The following CPED1 variants were observed in gnomAD, a reference collection of about 807,000 sequenced individuals.
The protein encoded by CPED1 is cadherin like and PC-esterase domain containing 1, also known as cadherin-like and PC-esterase domain-containing protein 1.
Under a neutral mutation model 128.2 loss-of-function variants are expected in CPED1, and 114 were observed. That is an observed-to-expected ratio of 0.89 (90% confidence interval 0.76 to 1.04). CPED1 has a LOEUF of 1.04. CPED1 is among the 50% of genes least tolerant of loss of function. The pLI, the probability that CPED1 is intolerant of heterozygous loss-of-function variation, is 0.00. For missense variants in CPED1, 1,211 were observed against 1,207.1 expected, an observed-to-expected ratio of 1.00 and a Z score of -0.05; for synonymous variants, 462 against 426.7, an observed-to-expected ratio of 1.08 and a Z score of -1.02.
chr7:121,129,138 A>G (rs1795583473), intron 11 of CPED1, among the ~76,000 whole-genome samples: 1 of 151,332 alleles, frequency 6.6e-6, no homozygotes, highest in Non-Finnish European at 1.5e-5. Flanking sequence ...TATAGACTGA[A>G]ATGAATTTGT....
At chr7:121,283,918 T>C (rs559956501) in intron 22 of CPED1, among the ~76,000 whole-genome samples, 1 of 152,348 alleles carries the variant, frequency 6.6e-6, no homozygotes, top group East Asian at 1.9e-4. Flanking sequence ...TGAGTTATAC[T>C]GTTTAGTGAA....
intron 7 of CPED1, among the ~76,000 whole-genome samples, chr7:121,121,193 C>A (rs1397539217): frequency 6.6e-6 from 1 of 152,048 alleles, no homozygotes; most frequent in East Asian, 1.9e-4. Flanking sequence ...ACAAGGACAC[C>A]TTGGGAAAGA....
At chr7:121,197,129 T>G (rs1797290211) in intron 16 of CPED1, among the ~76,000 whole-genome samples, 1 of 151,504 alleles carries the variant, frequency 6.6e-6, no homozygotes, top group Non-Finnish European at 1.5e-5. Context: ...TTTTTTTTTT[T>G]TTTTTTTCTA....
At chr7:121,251,714 A>T (rs967709767) in intron 18 of CPED1, among the ~76,000 whole-genome samples, 1 of 151,532 alleles carries the variant, frequency 6.6e-6, no homozygotes, top group East Asian at 1.9e-4. Context: ...CCCATTCACA[A>T]TTGCTTCAAA....
At chr7:121,272,283 G>A (rs534754715) in intron 22 of CPED1, among the ~76,000 whole-genome samples, 28 of 152,142 alleles carry the variant, frequency 1.8e-4, no homozygotes, top group African/African-American at 5.3e-4. Flanking sequence ...ATTTTTCTGC[G>A]TTGGTCAGAG....
At chr7:121,237,607 G>A (rs765403320) in intron 17 of CPED1, among the ~76,000 whole-genome samples, 4 of 152,112 alleles carry the variant, frequency 2.6e-5, no homozygotes, top group Admixed American at 6.6e-5. Context: ...CCAAAGTTGG[G>A]ACTAAAAATG....
At chr7:121,262,107 T>C (rs944798941) in intron 18 of CPED1, among the ~76,000 whole-genome samples, 3 of 151,946 alleles carry the variant, frequency 2.0e-5, no homozygotes, top group Non-Finnish European at 2.9e-5. Context: ...ACATGAAAGC[T>C]GGTCATTTAA....
intron 22 of CPED1, among the ~76,000 whole-genome samples, chr7:121,285,597 G>T (rs1025176493): frequency 3.9e-5 from 6 of 152,162 alleles, no homozygotes; most frequent in African/African-American, 1.4e-4. Context: ...TAGGGCAGGG[G>T]CAAAATGCCA....
chr7:121,170,982 A>G (rs1796638743), intron 16 of CPED1, among the ~76,000 whole-genome samples: 1 of 152,128 alleles, frequency 6.6e-6, no homozygotes, highest in East Asian at 1.9e-4. Context: ...CCTGGGAGGC[A>G]GAGAACCCAG....
intron 5 of CPED1, among the ~76,000 whole-genome samples, chr7:121,086,568 A>G (rs765434014): frequency 2.0e-5 from 3 of 152,172 alleles, no homozygotes; most frequent in Non-Finnish European, 4.4e-5. Flanking sequence ...AGTGAGAAAC[A>G]TGTGCCCAAA....
intron 16 of CPED1, among the ~76,000 whole-genome samples, chr7:121,210,712 G>A (rs1053580415): frequency 2.0e-5 from 3 of 151,856 alleles, no homozygotes; most frequent in African/African-American, 4.8e-5. Context: ...ATACAAAAAT[G>A]TACTTAGAAT....
intron 2 of CPED1, among the ~76,000 whole-genome samples, chr7:121,000,223 G>A (rs1791801039): frequency 1.3e-5 from 2 of 152,256 alleles, no homozygotes; most frequent in South Asian, 2.1e-4. Context: ...ATGAGCTCAT[G>A]TTCTAACATA....
intron 2 of CPED1, among the ~76,000 whole-genome samples, chr7:120,995,612 T>G (rs953153060): frequency 6.6e-6 from 1 of 152,232 alleles, no homozygotes; most frequent in African/African-American, 2.4e-5. Flanking sequence ...TTAAATAATT[T>G]ATTTCACAAA....
At chr7:121,179,213 TC>T (rs921832419) in intron 16 of CPED1, among the ~76,000 whole-genome samples, 1 of 152,040 alleles carries the variant, frequency 6.6e-6, no homozygotes, top group Non-Finnish European at 1.5e-5. Flanking sequence ...GATGAACTGT[TC>T]CCCTAGAATG....
chr7:121,244,442 GAGGAAAACTAACT>G, intron 18 of CPED1, 104 bp downstream of exon 18: 7 of 1,221,362 alleles, frequency 5.7e-6, no homozygotes, highest in Non-Finnish European at 8.2e-6. Flanking sequence ...TCTCACAGCA[GAGGAAAACTAACT>G]GAATGCAATA....
Position 121,295,794 on chromosome 7 carries a change from T to TAC in CPED1, c.*150_*151dup. 1 of 619,976 alleles carries TAC rather than the reference T, an allele frequency of 1.6e-6. No homozygotes were observed. The highest frequency in any genetic ancestry group is 2.9e-6 in the Non-Finnish European group (1 of 348,650). The allele number at this position is 619,976 out of a possible 1,614,324, so 38.4% of individuals were successfully genotyped here. A position where few individuals can be genotyped will look rare whatever the true frequency, so the allele number is the denominator to read the frequency against. On this transcript the variant is annotated 3_prime_UTR_variant, in exon 23 of 23. Transcript: ENST00000310396. The stretch of plus-strand genomic sequence containing the variant: ...ACACCAGCACATGCATGCACACCAG[T>TAC]ACACACACAGTTAAATAATGATAAC...
intron 16 of CPED1, among the ~76,000 whole-genome samples, chr7:121,184,271 C>G (rs2116507202): frequency 6.6e-6 from 1 of 152,080 alleles, no homozygotes; most frequent in East Asian, 1.9e-4. Flanking sequence ...AGTGATTCCT[C>G]TAATAAAAAG....
At chr7:121,201,946 T>C (rs1797409985) in intron 16 of CPED1, among the ~76,000 whole-genome samples, 1 of 152,128 alleles carries the variant, frequency 6.6e-6, no homozygotes, top group African/African-American at 2.4e-5. Flanking sequence ...GGAACAAAAT[T>C]GAGTATGCTA....
At chr7:121,037,636 T>C (rs931828272) in intron 3 of CPED1, among the ~76,000 whole-genome samples, 2 of 152,130 alleles carry the variant, frequency 1.3e-5, no homozygotes, top group African/African-American at 4.8e-5. Context: ...TTTGGTTCCA[T>C]ATGAACGTTA....
Sources: allele counts gnomAD v4.1 joint callset (sites outside exome capture counted in the v4.1 genomes callset), GRCh38; gene constraint gnomAD v4.1.1; transcripts MANE v1.5; gene names NCBI Gene and HGNC (gene_info 2026-07-23, HGNC 2026-07-21).